Variants in NLRP2 observed in about 807,000 individuals in gnomAD.
The protein encoded by NLRP2 is NACHT, LRR and PYD domains-containing protein 2.
A neutral mutation model predicts 97.2 loss-of-function variants in NLRP2; 107 were observed. That is an observed-to-expected ratio of 1.10 (90% confidence interval 0.94 to 1.29). The LOEUF is 1.29. NLRP2 is among the 50% of genes most tolerant of loss of function. The probability of loss-of-function intolerance (pLI) is 0.00; values close to 1 mark genes in which losing one functional copy is unlikely to be tolerated. For missense variants in NLRP2, 1,495 were observed against 1,330.3 expected, an observed-to-expected ratio of 1.12 and a Z score of -1.93; for synonymous variants, 663 against 551.5, an observed-to-expected ratio of 1.20 and a Z score of -2.83.
rs751519733 is a variant in NLRP2 at position 54,982,969 on chromosome 19, C to T, written c.1271C>T (p.Thr424Ile). 5 of 1,611,642 alleles carry T rather than the reference C, an allele frequency of 3.1e-6. No individual in the cohort carries two copies. Among genetic ancestry groups the T allele is most frequent in the Non-Finnish European group, 4.2e-6 (5 of 1,179,734 alleles). Residue 424 changes from threonine to isoleucine, a missense_variant, in exon 6 of 13, where the codon ACC (threonine) becomes ATC (isoleucine). Transcript: ENST00000448584. The part of the protein sequence containing the change: ...KGEDPVPTCL[T>I]RTGLFLRFLC... ...GAGGACCCGGTCCCCACCTGCCTCA[C>T]CCGCACGGGGCTGTTCCTGCGTTTC...
At position 54,983,420 on chromosome 19, in the gene NLRP2, C is replaced by A. The variant is rs528233243; in HGVS notation, c.1722C>A (p.Gly574=). The change falls in exon 6 of 13, where the codon GGC becomes GGA. Residue 574 remains glycine, a synonymous_variant. Coordinates refer to ENST00000448584, the MANE Select transcript of NLRP2 (RefSeq NM_017852.5). ...CCAAGGAGTTGGAGGCCACTTTTGG[C>A]TGCCGGATGTCACCGGACATCAAAC... ...KRAKELEATF[G]CRMSPDIKQE... 6.2e-7 allele frequency: 1 copy of A among 1,614,208 alleles called. No homozygotes were observed. Among genetic ancestry groups the A allele is most frequent in the Non-Finnish European group, 8.5e-7 (1 of 1,180,046 alleles).
At chr19:54,971,375 T>A (rs2070843178) in intron 2 of NLRP2, among the ~76,000 whole-genome samples, 2 of 152,138 alleles carry the variant, frequency 1.3e-5, no homozygotes, top group African/African-American at 4.8e-5. Flanking sequence ...TTTCTAGTTC[T>A]AGATCCCTGA....
chr19:54,974,647 C>A (rs1384366842), intron 3 of NLRP2, 103 bp downstream of exon 3: 1 of 875,966 alleles, frequency 1.1e-6, no homozygotes, highest in Non-Finnish European at 1.9e-6. Context: ...CAAAGAAATG[C>A]CGGACTTAGC....
intron 2 of NLRP2, chr19:54,974,029 GC>G: frequency 7.9e-7 from 1 of 1,266,974 alleles, no homozygotes; most frequent in Non-Finnish European, 1.1e-6. Context: ...AGTGCCTTGA[GC>G]CCAACTGCAG....
intron 10 of NLRP2, among the ~76,000 whole-genome samples, chr19:54,991,882 G>A (rs1457587895): frequency 1.4e-5 from 2 of 148,070 alleles, no homozygotes; most frequent in African/African-American, 4.9e-5. Context: ...CTGCACTGAT[G>A]GTTTCTGTTC....
intron 12 of NLRP2, among the ~76,000 whole-genome samples, chr19:54,999,773 A>G (rs73057229): frequency 0.018 from 2,791 of 151,920 alleles, 42 homozygotes; most frequent in Non-Finnish European, 0.026. Context: ...ATCTCACTCT[A>G]TTGCTCAGGC....
At chr19:54,967,132 T>C (rs1261369420) in intron 1 of NLRP2, among the ~76,000 whole-genome samples, 1 of 149,058 alleles carries the variant, frequency 6.7e-6, no homozygotes, top group African/African-American at 2.5e-5. Context: ...CTCCCAAAAT[T>C]CTGGGATTAT....
chr19:54,967,598 A>G (rs575577994), intron 1 of NLRP2, among the ~76,000 whole-genome samples: 2 of 152,062 alleles, frequency 1.3e-5, no homozygotes, highest in South Asian at 2.1e-4. Flanking sequence ...GTGTGCTTTT[A>G]TTTCTGTTCT....
chr19:54,988,915 A>T (rs2072274070), intron 8 of NLRP2, among the ~76,000 whole-genome samples: 1 of 151,644 alleles, frequency 6.6e-6, no homozygotes, highest in South Asian at 2.1e-4. Context: ...CCTGCCTGTA[A>T]TCCCAGTACT....
intron 4 of NLRP2, 108 bp from the exon 5 acceptor site, chr19:54,981,509 G>GCCACCCCCC: frequency 2.6e-6 from 1 of 386,504 alleles, no homozygotes; most frequent in Non-Finnish European, 5.3e-6. Context: ...CTGATCCCGT[G>GCCACCCCCC]CCCCCCCTCC....
At chr19:54,998,014 G>C (rs1319231007) in intron 12 of NLRP2, among the ~76,000 whole-genome samples, 1 of 137,536 alleles carries the variant, frequency 7.3e-6, no homozygotes, top group Non-Finnish European at 1.6e-5. Context: ...GTTTTGTTTT[G>C]TTTTTTCTTT....
At chr19:54,991,041 G>A (rs2072443412) in intron 10 of NLRP2, 1 of 303,240 alleles carries the variant, frequency 3.3e-6, no homozygotes, top group African/African-American at 2.1e-5. Flanking sequence ...CATGAGCCAT[G>A]TCACCCCATG....
At chr19:54,988,680 C>T (rs2072257768) in intron 8 of NLRP2, among the ~76,000 whole-genome samples, 1 of 152,078 alleles carries the variant, frequency 6.6e-6, no homozygotes, top group African/African-American at 2.4e-5. Flanking sequence ...CCACCACGCC[C>T]AGCTAATTCT....
Position 54,970,233 on chromosome 19 carries a change from T to G in NLRP2, c.218T>G (p.Leu73Arg). Residue 73 changes from leucine (L) to arginine (R), a missense_variant, in exon 2 of 13, where the codon CTC becomes CGC. Physicochemically the swap from Leu to Arg is moderately radical, Grantham distance 102. Coordinates refer to ENST00000448584, the MANE Select transcript of NLRP2 (RefSeq NM_017852.5). ...CDSYWVEMAS[L>R]QVFEKMHRMD... Reference sequence around the variant, plus strand: ...AGCTACTGGGTGGAGATGGCGAGCCTCCAGGTCTTTGAAAAGATGCACCGA... The same window carrying G: ...AGCTACTGGGTGGAGATGGCGAGCCGCCAGGTCTTTGAAAAGATGCACCGA... The G allele has an allele frequency of 2.5e-6, 4 of 1,614,132 alleles. No homozygotes were observed. Among genetic ancestry groups the G allele is most frequent in the South Asian group, 1.1e-5 (1 of 91,080 alleles).
rs908370685 is a variant in NLRP2, at chr19:54,969,982, C to G, written c.-17-17C>G. On this transcript the variant is annotated splice_polypyrimidine_tract_variant and intron_variant, in intron 1 of 12. Transcript: ENST00000448584. ...AATCACCATCCCTCTCCACTCCTCC[C>G]TTGATTGTCATCACAGCTCCCACGT... 1 of 1,612,010 alleles carries G rather than the reference C, an allele frequency of 6.2e-7. No individual in the cohort carries two copies. Among genetic ancestry groups the G allele is most frequent in the Non-Finnish European group, 8.5e-7 (1 of 1,179,670 alleles).
intron 1 of NLRP2, 27 bp from the exon 2 acceptor site, chr19:54,969,972 C>G: frequency 2.5e-6 from 4 of 1,608,942 alleles, no homozygotes; most frequent in South Asian, 2.2e-5. Context: ...CCATCCCTCT[C>G]CACTCCTCCC....
rs141504030 is a variant in NLRP2, at chr19:54,968,995, C to T, written c.-17-1004C>T. 8.4e-4 allele frequency among the ~76,000 whole-genome samples: 128 copies of T among 152,266 alleles called. 1 individual carries two copies. Among genetic ancestry groups the T allele is most frequent in the African/African-American group, 2.9e-3 (119 of 41,562 alleles). The stretch of plus-strand genomic sequence containing the variant: ...GGATTGCAGGCGTGAGCCACCGCGC[C>T]CGGCTGTGTGTTTGCATTATCATAT... On this transcript the variant is annotated intron_variant, in intron 1 of 12. Transcript: ENST00000448584.
intron 11 of NLRP2, 108 bp downstream of exon 11, chr19:54,994,547 C>T: frequency 8.7e-7 from 1 of 1,148,750 alleles, no homozygotes; most frequent in Non-Finnish European, 1.3e-6. Context: ...ATTGAGAGGA[C>T]CTTTATAGAG....
chr19:55,000,734 CCTTTT>C (rs1568552955), intron 12 of NLRP2, 21 bp from the exon 13 acceptor site: 12 of 1,612,386 alleles, frequency 7.4e-6, no homozygotes, highest in Non-Finnish European at 1.0e-5. Context: ...CACAAAGTAA[CCTTTT>C]CTTCCCCCAT....
Sources: gnomAD v4.1 joint callset for allele counts (sites outside exome capture counted in the v4.1 genomes callset) on GRCh38, gnomAD v4.1.1 for gene constraint, MANE v1.5 for transcripts, NCBI Gene and HGNC (gene_info 2026-07-23, HGNC 2026-07-21) for gene names.